Variants in ARHGAP27 observed in about 807,000 individuals in gnomAD.
ARHGAP27 encodes rho GTPase-activating protein 27.
In ARHGAP27, 53 loss-of-function variants were observed where a neutral mutation model predicts 102.0. The ratio of observed to expected loss-of-function variants is 0.52; its 90% CI spans 0.42 to 0.65. ARHGAP27 has a LOEUF of 0.65. Ranked by LOEUF, ARHGAP27 falls within the 30% of genes least tolerant of loss-of-function variation. The probability of loss-of-function intolerance (pLI) is 0.00; values close to 1 mark genes in which losing one functional copy is unlikely to be tolerated. For missense variants in ARHGAP27, 1,117 were observed against 1,256.2 expected (o/e 0.89, Z 1.68); for synonymous variants, 525 against 542.8 (o/e 0.97, Z 0.46).
In ARHGAP27 at chr17:45,429,746, G is replaced by C; in HGVS notation, c.534C>G (p.Phe178Leu). ...AGGAGCCCGCCACGCTGCAGGCCTTGAAGCTGCCGCTGCTTCCTAGGAGGC... is the reference window on the plus strand; with the variant it reads ...AGGAGCCCGCCACGCTGCAGGCCTTCAAGCTGCCGCTGCTTCCTAGGAGGC... ...PAGLLGSSGS[F>L]KACSVAGSWV... The change falls in exon 4 of 20, where the codon TTC becomes TTG. Residue 178 changes from phenylalanine (F) to leucine (L), a missense_variant. Coordinates refer to ENST00000685559, the MANE Select transcript of ARHGAP27 (RefSeq NM_001282290.2). The C allele has an allele frequency of 6.5e-7, 1 of 1,537,924 alleles. No individual in the cohort carries two copies. Among genetic ancestry groups the C allele is most frequent in the Non-Finnish European group, 8.8e-7 (1 of 1,142,582 alleles).
chr17:45,410,231 C>T, intron 4 of ARHGAP27: 1 of 1,534,126 alleles, frequency 6.5e-7, no homozygotes, highest in Non-Finnish European at 8.7e-7. Context: ...GCATCCCCTA[C>T]CTGTGCCGGC....
chr17:45,419,554 ATAT>A (rs2048837899), intron 4 of ARHGAP27, among the ~76,000 whole-genome samples: 1 of 113,638 alleles, frequency 8.8e-6, no homozygotes, highest in East Asian at 2.6e-4. Flanking sequence ...ATATATATAT[ATAT>A]GACTTTGTAA....
In ARHGAP27 at chr17:45,427,333, A is replaced by G. The variant is rs1352171290; in HGVS notation, c.657+2290T>C. On this transcript the variant is annotated intron_variant, in intron 4 of 19. Coordinates refer to ENST00000685559, the MANE Select transcript of ARHGAP27 (RefSeq NM_001282290.2). This position sits in a 1 kb window ranked among gnomAD's most constrained non-coding sequence, Gnocchi z 4.5. ...CTGCCCGGGTGGGCACCCACTCTCA[A>G]CCCTATGCTCCACTCTGAGCCCCGG... is the stretch of plus-strand genomic sequence containing the variant. Among the ~76,000 whole-genome samples the G allele has an allele frequency of 6.6e-6, 1 of 151,720 alleles. No homozygotes were observed. Among genetic ancestry groups the G allele is most frequent in the Admixed American group, 6.6e-5 (1 of 15,246 alleles).
rs2049733336 is a variant in ARHGAP27 at position 45,427,457 on chromosome 17, C to T, written c.657+2166G>A. Among the ~76,000 whole-genome samples, 2 of 152,238 alleles carry T rather than the reference C, an allele frequency of 1.3e-5. No individual in the cohort carries two copies. Among genetic ancestry groups the T allele is most frequent in the African/African-American group, 4.8e-5 (2 of 41,462 alleles). On this transcript the variant is annotated intron_variant, in intron 4 of 19. Coordinates refer to ENST00000685559, the MANE Select transcript of ARHGAP27 (RefSeq NM_001282290.2). The surrounding 1 kb of genome is among the most constrained non-coding windows in gnomAD (Gnocchi z 4.5). ...CTCCAGATCCGAAGGCTCACCAGGG[C>T]TTGGCAGGTATTCAGCTAGTTGATG... is the stretch of plus-strand genomic sequence containing the variant.
intron 4 of ARHGAP27, among the ~76,000 whole-genome samples, chr17:45,418,251 G>A (rs1464650572): frequency 2.1e-5 from 3 of 142,060 alleles, no homozygotes; most frequent in Non-Finnish European, 3.0e-5. Flanking sequence ...AGCCTATTTG[G>A]ACATTTTCAT....
chr17:45,404,649 T>G lies in ARHGAP27; in HGVS notation c.1281A>C (p.Pro427=). 1 of 1,612,862 alleles carries G rather than the reference T, an allele frequency of 6.2e-7. No individual in the cohort carries two copies. The highest frequency in any genetic ancestry group is 8.5e-7 in the Non-Finnish European group (1 of 1,179,626). The change falls in exon 7 of 20, where the codon CCA becomes CCC. Residue 427 remains proline, a synonymous_variant. Transcript: ENST00000685559. ...AGGAGTCCTCTGGATTGTAGAAGTA[T>G]GGCTTCCCGTGGGGGTCCTCCAGCC... ...WVRLEDPHGK[P]YFYNPEDSSV...
rs562227710 is a variant in ARHGAP27 at position 45,417,905 on chromosome 17, T to C, written c.657+11718A>G. Among the ~76,000 whole-genome samples the C allele has an allele frequency of 2.0e-5, 3 of 151,776 alleles. No individual in the cohort carries two copies. In the South Asian group the frequency reaches 6.2e-4, roughly 32 times the overall value. On this transcript the variant is annotated intron_variant, in intron 4 of 19. Coordinates refer to ENST00000685559, the MANE Select transcript of ARHGAP27 (RefSeq NM_001282290.2). ...CGTCTCTACTAAAAATATAAAAAAA[T>C]TAGCCGGGCACAGTGGCAGGCGCCT... is the stretch of plus-strand genomic sequence containing the variant.
rs932224149 is a variant in ARHGAP27 at position 45,429,909 on chromosome 17, G to A, written c.371C>T (p.Ala124Val). The A allele has an allele frequency of 8.2e-5, 94 of 1,150,160 alleles. No homozygotes were observed. Among genetic ancestry groups the A allele is most frequent in the Non-Finnish European group, 9.6e-5 (90 of 937,874 alleles). The allele number at this position is 1,150,160 out of a possible 1,614,324, so 71.2% of individuals were successfully genotyped here. ...GGRASSLCGP[A>V]QRGAATQRSS... is the part of the protein sequence containing the mutation. Reference sequence around the variant, plus strand: ...GCGCTGGGTCGCGGCGCCGCGTTGCGCAGGGCCGCACAGGGAGCTGGCTCG... The same window carrying A: ...GCGCTGGGTCGCGGCGCCGCGTTGCACAGGGCCGCACAGGGAGCTGGCTCG... The change falls in exon 4 of 20, where the codon GCG (alanine) becomes GTG (valine). Residue 124 changes from alanine (A) to valine (V), a missense_variant. Coordinates refer to ENST00000685559, the MANE Select transcript of ARHGAP27 (RefSeq NM_001282290.2).
rs368037300 is a variant in ARHGAP27, at chr17:45,430,281, G to A, written c.-2C>T. On this transcript the variant is annotated 5_prime_UTR_variant, in exon 4 of 20. Coordinates refer to ENST00000685559, the MANE Select transcript of ARHGAP27 (RefSeq NM_001282290.2). The surrounding 1 kb of genome is among the most constrained non-coding windows in gnomAD (Gnocchi z 4.4). ...GTCCCCCACCACGTCCGCCGCCATC[G>A]CAGCCGCGGCGTTTTCCTGCGGGCA... The A allele has an allele frequency of 6.4e-7, 1 of 1,567,544 alleles. No homozygotes were observed. The highest frequency in any genetic ancestry group is 1.2e-5 in the South Asian group (1 of 86,586).
At chr17:45,398,983 C>A (rs911468201) in intron 12 of ARHGAP27, among the ~76,000 whole-genome samples, 2 of 152,054 alleles carry the variant, frequency 1.3e-5, no homozygotes, top group Non-Finnish European at 2.9e-5. Context: ...TGTTAGCCCG[C>A]TTCATCATGA....
intron 4 of ARHGAP27, among the ~76,000 whole-genome samples, chr17:45,413,893 G>A (rs1197547346): frequency 6.6e-6 from 1 of 152,154 alleles, no homozygotes; most frequent in Admixed American, 6.5e-5. Flanking sequence ...ATCACTTGAG[G>A]TCAGGAGTTT....
At position 45,430,633 on chromosome 17, in the gene ARHGAP27, C is replaced by T. The variant is rs930743197; in HGVS notation, c.-18-336G>A. Among the ~76,000 whole-genome samples, 2 of 152,124 alleles carry T rather than the reference C, an allele frequency of 1.3e-5. No homozygotes were observed. The highest frequency in any genetic ancestry group is 2.4e-5 in the African/African-American group (1 of 41,406). On this transcript the variant is annotated intron_variant, in intron 3 of 19. Coordinates refer to ENST00000685559, the MANE Select transcript of ARHGAP27 (RefSeq NM_001282290.2). This position sits in a 1 kb window ranked among gnomAD's most constrained non-coding sequence, Gnocchi z 4.4. The stretch of plus-strand genomic sequence containing the variant: ...GGCTTTAAAACGAGGGGTGATTGCC[C>T]GCTCTAAGGTCGACACCACGCTTGC...
At chr17:45,400,960 C>G (rs967497660) in intron 12 of ARHGAP27, among the ~76,000 whole-genome samples, 2 of 147,528 alleles carry the variant, frequency 1.4e-5, no homozygotes, top group African/African-American at 5.0e-5. Flanking sequence ...AGTGATGTCT[C>G]TCCTCAATTT....
chr17:45,431,311 C>A (rs2050046262), intron 3 of ARHGAP27, among the ~76,000 whole-genome samples: 1 of 152,212 alleles, frequency 6.6e-6, no homozygotes, highest in Non-Finnish European at 1.5e-5. Context: ...AGTCGGTTTT[C>A]TCCGGAAGTG....
chr17:45,399,585 C>G (rs922848844), intron 12 of ARHGAP27, among the ~76,000 whole-genome samples: 3 of 61,348 alleles, frequency 4.9e-5, no homozygotes, highest in Non-Finnish European at 8.8e-5. Flanking sequence ...GAGCAACACT[C>G]TGTCTCAAAG....
chr17:45,398,438 G>GA (rs757264064), intron 12 of ARHGAP27, among the ~76,000 whole-genome samples: 164 of 152,272 alleles, frequency 1.1e-3, no homozygotes, highest in Non-Finnish European at 1.6e-3. Context: ...CTAAGTGAAA[G>GA]AAACTTCCTA....
In ARHGAP27 at chr17:45,396,795, C is replaced by G; in HGVS notation, c.1952-5G>C. 1.2e-6 allele frequency: 2 copies of G among 1,609,754 alleles called. No homozygotes were observed. Among genetic ancestry groups the G allele is most frequent in the Non-Finnish European group, 1.7e-6 (2 of 1,178,096 alleles). ...CGGGGCCCAGGGCGGGCGCGGCTGC[C>G]GCGGGGAAAGGCAGGACTGAGTCAG... is the stretch of plus-strand genomic sequence containing the variant. On this transcript the variant is annotated splice_polypyrimidine_tract_variant and splice_region_variant and intron_variant, in intron 14 of 19. Transcript: ENST00000685559.
Position 45,395,996 on chromosome 17 carries a change from G to T in ARHGAP27, c.2373C>A (p.Phe791Leu), listed in dbSNP as rs3169693. 25 of 1,611,688 alleles carry T rather than the reference G, an allele frequency of 1.6e-5. No homozygotes were observed. The African/African-American group carries it at 3.2e-4, about 21-fold the overall frequency. Residue 791 changes from phenylalanine (F) to leucine (L), a missense_variant, in exon 18 of 20, where the codon TTC becomes TTA. By Grantham distance (22) the Phe-to-Leu change is conservative. This residue lies in a region of ARHGAP27 where 493 missense variants were observed against 505.5 expected (regional missense o/e 0.98). Transcript: ENST00000685559. ...CCAGGTGCTCACTGATGGCCGCAAT[G>T]AACTGGCGGAAGTGCGAGAAGGGGA... is the stretch of plus-strand genomic sequence containing the variant. ...PLFPFSHFRQ[F>L]IAAIKLQDQA...
chr17:45,397,116 GGCAT>G, intron 13 of ARHGAP27, 92 bp from the exon 14 acceptor site: 1 of 1,545,370 alleles, frequency 6.5e-7, no homozygotes, highest in East Asian at 2.3e-5. Context: ...ACTCCCAACA[GGCAT>G]GGCCTGGAGA....
Sources: allele counts gnomAD v4.1 joint callset (sites outside exome capture counted in the v4.1 genomes callset), GRCh38; gene constraint gnomAD v4.1.1; regional missense constraint gnomAD v4.1.1; non-coding constraint Gnocchi (gnomAD v3.1); transcripts MANE v1.5; gene names NCBI Gene and HGNC (gene_info 2026-07-23, HGNC 2026-07-21).